The following CFAP43 variants were observed in gnomAD, a reference collection of about 807,000 sequenced individuals.
CFAP43 encodes the protein cilia and flagella associated protein 43.
A neutral mutation model predicts 218.9 loss-of-function variants in CFAP43; 155 were observed. The observed-to-expected ratio is 0.71, with a 90% CI of 0.62 to 0.81. The LOEUF is 0.81. Among genes scored for constraint, CFAP43 ranks in the 30% least tolerant of loss-of-function variants. The probability of loss-of-function intolerance (pLI) is 0.00; values close to 1 mark genes in which losing one functional copy is unlikely to be tolerated. For synonymous variants in CFAP43, 645 were observed against 681.3 expected (o/e 0.95, Z 0.83); for missense variants, 1,778 against 1,954.3 (o/e 0.91, Z 1.70).
chr10:104,142,575 G>C (rs945968690), intron 32 of CFAP43, among the ~76,000 whole-genome samples, 182 bp from the exon 33 acceptor site: 3 of 152,078 alleles, frequency 2.0e-5, no homozygotes, highest in Non-Finnish European at 2.9e-5. Context: ...CGATTTGAAA[G>C]TATCAAATTT....
chr10:104,212,832 A>G (rs1023123106), intron 4 of CFAP43, among the ~76,000 whole-genome samples: 2 of 152,220 alleles, frequency 1.3e-5, no homozygotes, highest in Non-Finnish European at 2.9e-5. Context: ...GATTTTATAA[A>G]TGATAAACAA....
chr10:104,153,495 C>T (rs1480341185), intron 27 of CFAP43, among the ~76,000 whole-genome samples: 1 of 152,088 alleles, frequency 6.6e-6, no homozygotes, highest in East Asian at 1.9e-4. Flanking sequence ...CATTGCATGC[C>T]TGTATCAAAA....
chr10:104,152,537 CTTCATCCTAAGAA>C lies in CFAP43; in HGVS notation c.3660+57_3660+69del, dbSNP rs2088318532. The C allele has an allele frequency of 6.9e-6, 11 of 1,592,148 alleles. No homozygotes were observed. The East Asian group carries it at 2.5e-4, about 36-fold the overall frequency. The stretch of plus-strand genomic sequence containing the variant: ...CTTAGTACCTGGTAAGGATGTTGAT[CTTCATCCTAAGAA>C]CCATGGAAGGGCCCTGCAAGCTCCT... On this transcript the variant is annotated intron_variant, in intron 28 of 37. Transcript: ENST00000357060.
chr10:104,150,087 A>C (rs2088175862), intron 28 of CFAP43, among the ~76,000 whole-genome samples: 1 of 152,244 alleles, frequency 6.6e-6, no homozygotes, highest in African/African-American at 2.4e-5. Context: ...GCATGTTTTC[A>C]AGGTTCATCC....
intron 12 of CFAP43, 35 bp downstream of exon 12, chr10:104,192,160 TAATC>T: frequency 7.0e-7 from 1 of 1,420,320 alleles, no homozygotes; most frequent in Non-Finnish European, 9.7e-7. Context: ...TTCTTTGAAA[TAATC>T]AATATTTTAA....
rs749516208 is a variant in CFAP43 at position 104,130,155 on chromosome 10, G to A, written c.4982C>T (p.Ala1661Val). ...VERLRMKTFPALVQM is the reference protein window; with the variant it reads ...VERLRMKTFPVLVQM The stretch of plus-strand genomic sequence containing the variant: ...CCAGCGTTTTTACATTTGAACAAGA[G>A]CAGGAAATGTTTTCATTCTTAATCT... Residue 1661 changes from alanine (A) to valine (V), a missense_variant, in exon 38 of 38, where the codon GCT becomes GTT. By Grantham distance (64) the Ala-to-Val change is moderately conservative. Around this residue, in one of 3 missense-constraint regions of CFAP43, gnomAD observed 211 missense variants for 230.6 expected, o/e 0.91. Transcript: ENST00000357060. 6.3e-7 allele frequency: 1 copy of A among 1,597,192 alleles called. No homozygotes were observed. Among genetic ancestry groups the A allele is most frequent in the African/African-American group, 1.4e-5 (1 of 73,960 alleles).
At position 104,201,680 on chromosome 10, in the gene CFAP43, ATT is replaced by A. The variant is rs11336747; in HGVS notation, c.1095+1990_1095+1991del. Among the ~76,000 whole-genome samples, 671 of 145,952 alleles carry A rather than the reference ATT, an allele frequency of 4.6e-3. 3 individuals carry two copies. Among genetic ancestry groups the A allele is most frequent in the African/African-American group, 0.011 (449 of 40,278 alleles). On this transcript the variant is annotated intron_variant, in intron 8 of 37. Transcript: ENST00000357060. ...ATATTATTTTTAAAACTACTTTCAC[ATT>A]TTTTTTTTTTTGCTGTTGTATGCAG... is the stretch of plus-strand genomic sequence containing the variant.
chr10:104,187,279 AT>A lies in CFAP43; in HGVS notation c.1860+40del, dbSNP rs780917149. On this transcript the variant is annotated intron_variant, in intron 14 of 37. Transcript: ENST00000357060. ...TAATCAGTATAATGTATCAATCTTG[AT>A]TGCTAAGATAAATGAGAGCACACTT... 2.6e-6 allele frequency: 4 copies of A among 1,531,982 alleles called. No homozygotes were observed. In the East Asian group the frequency reaches 9.2e-5, roughly 35 times the overall value. 94.9% of individuals were successfully genotyped at this position (1,531,982 alleles called of 1,614,324 possible). A position where few individuals can be genotyped will look rare whatever the true frequency, so the allele number is the denominator to read the frequency against.
chr10:104,183,702 T>C (rs2134882635), intron 16 of CFAP43, among the ~76,000 whole-genome samples: 2 of 152,336 alleles, frequency 1.3e-5, no homozygotes, highest in Non-Finnish European at 2.9e-5. Flanking sequence ...ACCATCGTTT[T>C]AAACCCAGCT....
At chr10:104,159,167 G>GA (rs2088739750) in intron 27 of CFAP43, among the ~76,000 whole-genome samples, 1 of 151,912 alleles carries the variant, frequency 6.6e-6, no homozygotes. Flanking sequence ...CACGATACAA[G>GA]ATTTTTTTTT....
intron 34 of CFAP43, among the ~76,000 whole-genome samples, chr10:104,135,655 AAAT>A (rs1282502167): frequency 6.6e-6 from 1 of 152,174 alleles, no homozygotes; most frequent in Non-Finnish European, 1.5e-5. Flanking sequence ...AAAAACCTAG[AAAT>A]AAAGTTTATC....
Position 104,162,333 on chromosome 10 carries a change from TG to T in CFAP43, c.3316del (p.His1106ThrfsTer4). ...KELIVNHEKE[H>X]WLLIQDASTR... ...GCTACATGCCTGTATCAGAAGCCAG[TG>T]CTCCTTTTCATGATTCACGATCAAT... On this transcript the variant is annotated frameshift_variant, in exon 25 of 38. Coordinates refer to ENST00000357060, the MANE Select transcript of CFAP43 (RefSeq NM_025145.7). LOFTEE classifies it high-confidence loss of function. 6.2e-7 allele frequency: 1 copy of T among 1,614,124 alleles called. No homozygotes were observed. The highest frequency in any genetic ancestry group is 1.1e-5 in the South Asian group (1 of 91,076).
Position 104,130,241 on chromosome 10 carries a change from C to T in CFAP43, c.4896G>A (p.Lys1632=), listed in dbSNP as rs1264627560. Reference sequence around the variant, plus strand: ...CTTGTTGTTTTGAAATATTTGTTAACTTCTGCTGTTGCATCATGTTTTCAT... The same window carrying T: ...CTTGTTGTTTTGAAATATTTGTTAATTTCTGCTGTTGCATCATGTTTTCAT... ...ERYENMMQQQ[K]LTNISKQQAE... The change falls in exon 38 of 38, where the codon AAG becomes AAA. Residue 1632 remains lysine, a synonymous_variant. Coordinates refer to ENST00000357060, the MANE Select transcript of CFAP43 (RefSeq NM_025145.7). The T allele has an allele frequency of 4.3e-6, 7 of 1,613,122 alleles. No homozygotes were observed. Among genetic ancestry groups the T allele is most frequent in the African/African-American group, 2.7e-5 (2 of 74,892 alleles).
chr10:104,192,346 C>T, intron 11 of CFAP43, 44 bp from the exon 12 acceptor site: 2 of 1,444,518 alleles, frequency 1.4e-6, no homozygotes, highest in Non-Finnish European at 1.9e-6. Flanking sequence ...ATTGTTTCAC[C>T]AGCTAGATGG....
chr10:104,163,862 G>A (rs902916764), intron 24 of CFAP43, among the ~76,000 whole-genome samples: 4 of 152,244 alleles, frequency 2.6e-5, no homozygotes, highest in African/African-American at 7.2e-5. Flanking sequence ...TGAGGCTCTA[G>A]TCTTTGGTTT....
chr10:104,186,090 T>C lies in CFAP43; in HGVS notation c.1894A>G (p.Lys632Glu). The change falls in exon 15 of 38, where the codon AAA becomes GAA. Residue 632 changes from lysine to glutamate, a missense_variant. By Grantham distance (56) the Lys-to-Glu change is moderately conservative. Around this residue, in one of 3 missense-constraint regions of CFAP43, gnomAD observed 1,553 missense variants for 1,685.2 expected, o/e 0.92. Coordinates refer to ENST00000357060, the MANE Select transcript of CFAP43 (RefSeq NM_025145.7). ...CCATACTGTCTGCTTTGTACTTTTT[T>C]GTATGGTTTAAGAATGTAGATACCG... ...HTGIYILKPY[K>E]KVQSRQYGPG... is the part of the protein sequence containing the mutation. 1 of 1,566,940 alleles carries C rather than the reference T, an allele frequency of 6.4e-7. No individual in the cohort carries two copies. The highest frequency in any genetic ancestry group is 8.6e-7 in the Non-Finnish European group (1 of 1,163,206).
At chr10:104,231,615 T>C (rs1046622914) in intron 1 of CFAP43, among the ~76,000 whole-genome samples, 10 of 152,142 alleles carry the variant, frequency 6.6e-5, no homozygotes, top group African/African-American at 1.9e-4. Flanking sequence ...GGATGCTGTA[T>C]AGAGTGGAGG....
At chr10:104,141,216 A>G (rs1477912425) in intron 33 of CFAP43, among the ~76,000 whole-genome samples, 2 of 152,244 alleles carry the variant, frequency 1.3e-5, no homozygotes, top group Non-Finnish European at 2.9e-5. Flanking sequence ...TGGTATGGAC[A>G]GAAATACATT....
At chr10:104,167,167 C>T (rs1307346459) in intron 22 of CFAP43, among the ~76,000 whole-genome samples, 1 of 152,168 alleles carries the variant, frequency 6.6e-6, no homozygotes, top group Non-Finnish European at 1.5e-5. Context: ...CAAAACTACA[C>T]TGAAGGGCAG....
Sources: allele counts gnomAD v4.1 joint callset (sites outside exome capture counted in the v4.1 genomes callset), GRCh38; gene constraint gnomAD v4.1.1; regional missense constraint gnomAD v4.1.1; transcripts MANE v1.5; gene names NCBI Gene and HGNC (gene_info 2026-07-23, HGNC 2026-07-21).